LINGO2: variants seen among roughly 807,000 people sequenced by gnomAD.
LINGO2 encodes the protein leucine rich repeat and Ig domain containing 2.
Under a neutral mutation model 30.6 loss-of-function variants are expected in LINGO2, and 14 were observed. The observed-to-expected ratio is 0.46, with a 90% CI of 0.30 to 0.72. The LOEUF is 0.72. LINGO2 is among the 30% of genes least tolerant of loss of function. LINGO2 has a pLI of 0.07. For synonymous variants in LINGO2, 317 were observed against 288.5 expected, an observed-to-expected ratio of 1.10 and a Z score of -1.00; for missense variants, 729 against 751.7, an observed-to-expected ratio of 0.97 and a Z score of 0.35.
At chr9:28,056,048 T>C (rs1030231337) in intron 4 of LINGO2, among the ~76,000 whole-genome samples, 39 of 152,262 alleles carry the variant, frequency 2.6e-4, no homozygotes, top group Admixed American at 5.9e-4. Context: ...GAAACTATTT[T>C]AAAGGAAAGA....
intron 2 of LINGO2, among the ~76,000 whole-genome samples, chr9:28,400,001 C>G (rs1822195877): frequency 6.6e-6 from 1 of 152,094 alleles, no homozygotes. Flanking sequence ...GTCCAAAAAG[C>G]AGTCAGTTTA....
the LINGO2 span, among the ~76,000 whole-genome samples, chr9:28,941,019 A>AAAT: frequency 4.6e-5 from 7 of 151,948 alleles, no homozygotes; most frequent in African/African-American, 1.2e-4. Context: ...TCTCCACAAA[A>AAAT]AAAAATAAAA....
chr9:28,645,196 A>G (rs1198610749), intron 1 of LINGO2, among the ~76,000 whole-genome samples: 1 of 152,060 alleles, frequency 6.6e-6, no homozygotes, highest in Non-Finnish European at 1.5e-5. Flanking sequence ...TGGTGAGTTA[A>G]TTAATTGGAA....
the LINGO2 span, among the ~76,000 whole-genome samples, chr9:28,869,182 T>G: frequency 1.3e-5 from 2 of 152,114 alleles, no homozygotes; most frequent in African/African-American, 4.8e-5. Context: ...AGGGAAAAAC[T>G]AGGCTAGACA....
intron 4 of LINGO2, among the ~76,000 whole-genome samples, chr9:28,073,401 A>G (rs1345749459): frequency 2.6e-5 from 4 of 152,112 alleles, no homozygotes; most frequent in Non-Finnish European, 5.9e-5. Context: ...TCCCTTGTAT[A>G]TATTAATAGT....
At chr9:28,126,176 T>C (rs1286915930) in intron 4 of LINGO2, among the ~76,000 whole-genome samples, 1 of 152,230 alleles carries the variant, frequency 6.6e-6, no homozygotes, top group Non-Finnish European at 1.5e-5. Context: ...TATTCTGTGC[T>C]GTATTTTCAT....
the LINGO2 span, among the ~76,000 whole-genome samples, chr9:28,968,042 AT>A: frequency 6.6e-6 from 1 of 152,284 alleles, no homozygotes; most frequent in South Asian, 2.1e-4. Context: ...AGTTTATATT[AT>A]TTGACACCCT....
chr9:28,554,163 G>A (rs1016010950), intron 1 of LINGO2, among the ~76,000 whole-genome samples: 51 of 151,552 alleles, frequency 3.4e-4, no homozygotes, highest in Middle Eastern at 3.4e-3. Context: ...AACTTTAAAC[G>A]TAAATGGACT....
chr9:29,035,214 T>G, the LINGO2 span, among the ~76,000 whole-genome samples: 3 of 152,038 alleles, frequency 2.0e-5, no homozygotes, highest in African/African-American at 7.2e-5. Context: ...AGCGGCCTCA[T>G]AGTCAAAACC....
chr9:28,786,775 A>G, the LINGO2 span, among the ~76,000 whole-genome samples: 6 of 152,162 alleles, frequency 3.9e-5, no homozygotes, highest in African/African-American at 1.4e-4. Flanking sequence ...GGTAAGAAGA[A>G]CTGAAATAAC....
At chr9:28,411,496 A>C (rs1409923828) in intron 2 of LINGO2, among the ~76,000 whole-genome samples, 2 of 152,114 alleles carry the variant, frequency 1.3e-5, no homozygotes, top group African/African-American at 2.4e-5. Flanking sequence ...TGTATTAAAC[A>C]AGAAATCACC....
chr9:28,785,381 C>G, the LINGO2 span, among the ~76,000 whole-genome samples: 2 of 152,082 alleles, frequency 1.3e-5, no homozygotes, highest in Non-Finnish European at 2.9e-5. Context: ...ATCATTGAGA[C>G]CTCATATCAA....
At chr9:28,732,241 T>A in the LINGO2 span, among the ~76,000 whole-genome samples, 45,594 of 151,758 alleles carry the variant, frequency 0.3, 7,228 homozygotes, top group Admixed American at 0.44. Context: ...TAAACGCTCA[T>A]CGAAGCCCTG....
At chr9:28,956,590 CT>C in the LINGO2 span, among the ~76,000 whole-genome samples, 55,960 of 112,252 alleles carry the variant, frequency 0.5, 15,464 homozygotes, top group Non-Finnish European at 0.59. Context: ...CTCCCTCCCC[CT>C]TTCCTTCCTC....
At chr9:29,173,883 C>A in the LINGO2 span, among the ~76,000 whole-genome samples, 1 of 151,882 alleles carries the variant, frequency 6.6e-6, no homozygotes, top group Admixed American at 6.6e-5. Context: ...TAAATTTGTA[C>A]CTTATTTTAC....
chr9:28,172,747 G>A (rs1415049743), intron 4 of LINGO2, among the ~76,000 whole-genome samples: 1 of 151,670 alleles, frequency 6.6e-6, no homozygotes, highest in Non-Finnish European at 1.5e-5. Flanking sequence ...TTTTTTTTCT[G>A]GAAGCTCATT....
rs961885086 is a variant in LINGO2, at chr9:28,129,805, T to C, written c.-86-117400A>G. 1 of 152,222 alleles carries C rather than the reference T, an allele frequency of 6.6e-6. No individual in the cohort carries two copies. The highest frequency in any genetic ancestry group is 2.4e-5 in the African/African-American group (1 of 41,452). 9.4% of individuals were successfully genotyped at this position (152,222 alleles called of 1,614,324 possible). A position where few individuals can be genotyped will look rare whatever the true frequency, so the allele number is the denominator to read the frequency against. ...TCATAAGCTTTTATTTTTTATATTG[T>C]TTATTTTTGGTTTAAGAAGGTGAAA... is the stretch of plus-strand genomic sequence containing the variant. On this transcript the variant is annotated intron_variant, in intron 4 of 5. Transcript: ENST00000379992. This position sits in a 1 kb window ranked among gnomAD's most constrained non-coding sequence, Gnocchi z 4.0.
intron 5 of LINGO2, among the ~76,000 whole-genome samples, chr9:28,012,042 C>A (rs921825587): frequency 2.6e-5 from 4 of 152,124 alleles, no homozygotes; most frequent in Non-Finnish European, 5.9e-5. Context: ...TGATTATGTT[C>A]TTCTGCCAGC....
At chr9:28,287,321 C>T (rs1823548930) in intron 4 of LINGO2, among the ~76,000 whole-genome samples, 1 of 152,118 alleles carries the variant, frequency 6.6e-6, no homozygotes, top group South Asian at 2.1e-4. Context: ...ATTCTTCTAC[C>T]AGAGGTGTTA....
Sources: allele counts gnomAD v4.1 joint callset (sites outside exome capture counted in the v4.1 genomes callset), GRCh38; gene constraint gnomAD v4.1.1; non-coding constraint Gnocchi (gnomAD v3.1); transcripts MANE v1.5; gene names NCBI Gene and HGNC (gene_info 2026-07-23, HGNC 2026-07-21).